TYK2: variants seen among roughly 807,000 people sequenced by gnomAD.
TYK2 encodes the protein tyrosine kinase 2.
TYK2 carries 65 observed loss-of-function variants against 130.9 expected under a neutral mutation model. The observed-to-expected ratio is 0.50, with a 90% confidence interval of 0.41 to 0.61. The LOEUF (loss-of-function observed/expected upper bound fraction) is 0.61. Ranked by LOEUF, TYK2 falls within the 20% of genes least tolerant of loss-of-function variation. TYK2 has a pLI of 0.00. For synonymous variants in TYK2, 647 were observed against 658.9 expected (o/e 0.98, Z 0.28); for missense variants, 1,378 against 1,610.7 (o/e 0.86, Z 2.47).
chr19:10,368,479 C>A (rs569522301), intron 3 of TYK2, 61 bp from the exon 4 acceptor site: 3 of 1,609,284 alleles, frequency 1.9e-6, no homozygotes, highest in South Asian at 1.1e-5. Context: ...GCCCCAAAGA[C>A]CCCCCAGACC....
chr19:10,360,891 T>C (rs940705957), intron 14 of TYK2: 1 of 246,214 alleles, frequency 4.1e-6, no homozygotes, highest in Non-Finnish European at 8.3e-6. Context: ...TAGCTAGGAC[T>C]ACAGGCATAG....
Position 10,362,404 on chromosome 19 carries a change from T to C in TYK2, c.1529A>G (p.Gln510Arg). The change falls in exon 11 of 25, where the codon CAG (glutamine) becomes CGG (arginine). Residue 510 changes from glutamine to arginine, a missense_variant. Coordinates refer to ENST00000525621, the MANE Select transcript of TYK2 (RefSeq NM_003331.5). Reference protein sequence around the residue: ...LRLRKFPIEQQDGAFVLEGWG... With the variant: ...LRLRKFPIEQRDGAFVLEGWG... ...GCCCTCCAGCACGAAGGCCCCGTCC[T>C]GCTGCTCAATGGGGAACTTTCGGAG... 1 of 1,612,930 alleles carries C rather than the reference T, an allele frequency of 6.2e-7. No individual in the cohort carries two copies. The highest frequency in any genetic ancestry group is 8.5e-7 in the Non-Finnish European group (1 of 1,179,268).
intron 17 of TYK2, chr19:10,357,155 G>A (rs1327302707): frequency 1.0e-5 from 4 of 382,178 alleles, no homozygotes; most frequent in South Asian, 2.5e-5. Flanking sequence ...TTGGGAGGCC[G>A]AGGTGGGCGG....
chr19:10,353,581 G>C lies in TYK2; in HGVS notation c.2974C>G (p.Arg992Gly). Residue 992 changes from arginine to glycine, a missense_variant, in exon 21 of 25, where the codon CGG becomes GGG. Physicochemically the swap from Arg to Gly is moderately radical, Grantham distance 125. Coordinates refer to ENST00000525621, the MANE Select transcript of TYK2 (RefSeq NM_003331.5). The surrounding 1 kb of genome is among the most constrained non-coding windows in gnomAD (Gnocchi z 6.9). ...AGCTGGGCCAGCCCGATGCTGTGCCGGGGCAGGTAGTCTCGGAGGCTGCCC... is the reference window on the plus strand; with the variant it reads ...AGCTGGGCCAGCCCGATGCTGTGCCCGGGCAGGTAGTCTCGGAGGCTGCCC... ...PLGSLRDYLP[R>G]HSIGLAQLLL... 6.7e-7 allele frequency: 1 copy of C among 1,490,408 alleles called. No individual in the cohort carries two copies. The highest frequency in any genetic ancestry group is 2.4e-5 in the East Asian group (1 of 41,650). 92.3% of individuals were successfully genotyped at this position (1,490,408 alleles called of 1,614,324 possible).
At chr19:10,355,503 G>T (rs940870363) in intron 18 of TYK2, among the ~76,000 whole-genome samples, 1 of 151,884 alleles carries the variant, frequency 6.6e-6, no homozygotes, top group African/African-American at 2.4e-5. Flanking sequence ...AGCTGGGTGT[G>T]GTGGTGGACG....
chr19:10,365,745 G>C lies in TYK2; in HGVS notation c.783C>G (p.Ala261=), dbSNP rs371939297. 111 of 1,612,906 alleles carry C rather than the reference G, an allele frequency of 6.9e-5. No homozygotes were observed. The highest frequency in any genetic ancestry group is 8.5e-5 in the Non-Finnish European group (100 of 1,179,898). Reference sequence around the variant, plus strand: ...AGCGGGGTGCCAGCCGCTCGAGTGTGGCTAGGTATTTGACCATGACCATCT... The same window carrying C: ...AGCGGGGTGCCAGCCGCTCGAGTGTCGCTAGGTATTTGACCATGACCATCT... ...SQQMVMVKYL[A]TLERLAPRFG... Residue 261 remains alanine (A), a synonymous_variant, in exon 7 of 25, where the codon GCC becomes GCG. Transcript: ENST00000525621.
At position 10,353,185 on chromosome 19, in the gene TYK2, G is replaced by C; in HGVS notation, c.3028-87C>G. 1 of 1,242,584 alleles carries C rather than the reference G, an allele frequency of 8.0e-7. No homozygotes were observed. The highest frequency in any genetic ancestry group is 1.1e-6 in the Non-Finnish European group (1 of 934,382). The allele number at this position is 1,242,584 out of a possible 1,614,324, so 77.0% of individuals were successfully genotyped here. On this transcript the variant is annotated intron_variant, in intron 21 of 24. Transcript: ENST00000525621. This position sits in a 1 kb window ranked among gnomAD's most constrained non-coding sequence, Gnocchi z 6.9. The stretch of plus-strand genomic sequence containing the variant: ...GGACCTGAGCAGCCAGGAGGGCTGG[G>C]GGACAGTCAGGTCAGGCCGGTGGCT...
chr19:10,376,083 G>A (rs555916546), intron 3 of TYK2, among the ~76,000 whole-genome samples: 1 of 149,314 alleles, frequency 6.7e-6, no homozygotes, highest in South Asian at 2.1e-4. Flanking sequence ...CACGATCTCA[G>A]CTCACTGCAG....
chr19:10,379,968 C>T (rs1438187655), intron 1 of TYK2, among the ~76,000 whole-genome samples, 189 bp from the exon 2 acceptor site: 2 of 152,174 alleles, frequency 1.3e-5, no homozygotes, highest in Admixed American at 6.6e-5. Flanking sequence ...TCCATCCCCC[C>T]AATCCAGGGC....
intron 14 of TYK2, among the ~76,000 whole-genome samples, chr19:10,359,944 G>A (rs1164986279): frequency 6.6e-6 from 1 of 151,844 alleles, no homozygotes; most frequent in Non-Finnish European, 1.5e-5. Flanking sequence ...GTGGGAGACG[G>A]AGCTTGCAGT....
chr19:10,359,166 G>A lies in TYK2; in HGVS notation c.2175+9C>T. 1 of 1,601,120 alleles carries A rather than the reference G, an allele frequency of 6.2e-7. No homozygotes were observed. The highest frequency in any genetic ancestry group is 8.5e-7 in the Non-Finnish European group (1 of 1,179,818). ...TGACCGACCCAGGCCCCACACACAG[G>A]CCACACACCAGGTAGCTGAGGGCGC... On this transcript the variant is annotated intron_variant, in intron 15 of 24. Transcript: ENST00000525621.
intron 7 of TYK2, 63 bp downstream of exon 7, chr19:10,365,454 T>C (rs898579134): frequency 3.1e-6 from 5 of 1,605,670 alleles, no homozygotes; most frequent in Non-Finnish European, 4.2e-6. Flanking sequence ...GGGTCAAGGA[T>C]GAACACAGAA....
rs765009970 is a variant in TYK2, at chr19:10,380,499, T to G, written c.-305A>C. 3.3e-5 allele frequency: 5 copies of G among 152,392 alleles called. No homozygotes were observed. Among genetic ancestry groups the G allele is most frequent in the East Asian group, 1.9e-4 (1 of 5,336 alleles). 9.4% of individuals were successfully genotyped at this position (152,392 alleles called of 1,614,324 possible). A position where few individuals can be genotyped will look rare whatever the true frequency, so the allele number is the denominator to read the frequency against. ...CGGCCGCGCTCCTTCCGCGCCCGCG[T>G]CCAGACTCACCCTTCCGGGGGAACA... On this transcript the variant is annotated 5_prime_UTR_variant, in exon 1 of 25. Transcript: ENST00000525621.
intron 3 of TYK2, chr19:10,369,671 C>A: frequency 2.2e-6 from 1 of 448,918 alleles, no homozygotes. Context: ...AACCTCAACC[C>A]CAATCCAGTC....
chr19:10,356,117 G>C (rs1363709482), intron 18 of TYK2, among the ~76,000 whole-genome samples: 2 of 152,092 alleles, frequency 1.3e-5, no homozygotes, highest in Non-Finnish European at 2.9e-5. Flanking sequence ...AGTGGCTCAC[G>C]CCTGTAATCC....
chr19:10,361,771 A>G lies in TYK2; in HGVS notation c.1958T>C (p.Leu653Pro). 1 of 1,610,276 alleles carries G rather than the reference A, an allele frequency of 6.2e-7. No homozygotes were observed. Among genetic ancestry groups the G allele is most frequent in the Non-Finnish European group, 8.5e-7 (1 of 1,179,162 alleles). ...CCAGGCCTGGCCCTGCCCACTCACC[A>G]GGGCGATGTCATGGTGACTAGGGTC... ...VLDPSHHDIA[L>P]AFYETASLMS... The change falls in exon 13 of 25, where the codon CTG (leucine) becomes CCG (proline). Residue 653 changes from leucine (L) to proline (P), a missense_variant and splice_region_variant. Leu to Pro is a moderately conservative substitution (Grantham distance 98). Transcript: ENST00000525621. This position sits in a 1 kb window ranked among gnomAD's most constrained non-coding sequence, Gnocchi z 4.0.
chr19:10,351,184 C>T, intron 23 of TYK2, 22 bp from the exon 24 acceptor site: 2 of 1,603,046 alleles, frequency 1.2e-6, no homozygotes, highest in Non-Finnish European at 1.7e-6. Context: ...ACAAGACAAG[C>T]TCTTTTCAAG....
Position 10,353,368 on chromosome 19 carries a change from G to T in TYK2, c.3027+160C>A. The T allele has an allele frequency of 1.7e-6, 1 of 600,834 alleles. No individual in the cohort carries two copies. Among genetic ancestry groups the T allele is most frequent in the Non-Finnish European group, 2.8e-6 (1 of 355,758 alleles). The allele number at this position is 600,834 out of a possible 1,614,324, so 37.2% of individuals were successfully genotyped here. A position where few individuals can be genotyped will look rare whatever the true frequency, so the allele number is the denominator to read the frequency against. On this transcript the variant is annotated intron_variant, in intron 21 of 24. Coordinates refer to ENST00000525621, the MANE Select transcript of TYK2 (RefSeq NM_003331.5). The surrounding 1 kb of genome is among the most constrained non-coding windows in gnomAD (Gnocchi z 6.9). ...TGGTCCCTTGGGAGGAGGGGGTGTG[G>T]CCAAGCAAGCCAAACAGTTCGGAGG...
In TYK2 at chr19:10,361,898, C is replaced by T; in HGVS notation, c.1831G>A (p.Glu611Lys). 1 of 1,614,102 alleles carries T rather than the reference C, an allele frequency of 6.2e-7. No homozygotes were observed. Among genetic ancestry groups the T allele is most frequent in the Non-Finnish European group, 8.5e-7 (1 of 1,180,006 alleles). ...TNVYEGRLRV[E>K]GSGDPEEGKM... ...CCCTCCTCAGGGTCCCCGCTGCCCTCCACTCGCAGGCGGCCCTCATACACG... is the reference window on the plus strand; with the variant it reads ...CCCTCCTCAGGGTCCCCGCTGCCCTTCACTCGCAGGCGGCCCTCATACACG... The change falls in exon 13 of 25, where the codon GAG (glutamate) becomes AAG (lysine). Residue 611 changes from glutamate (E) to lysine (K), a missense_variant. Physicochemically the swap from Glu to Lys is moderately conservative, Grantham distance 56. Coordinates refer to ENST00000525621, the MANE Select transcript of TYK2 (RefSeq NM_003331.5). The surrounding 1 kb of genome is among the most constrained non-coding windows in gnomAD (Gnocchi z 4.0).
Sources: gnomAD v4.1 joint callset for allele counts (sites outside exome capture counted in the v4.1 genomes callset) on GRCh38, gnomAD v4.1.1 for gene constraint, Gnocchi (gnomAD v3.1) non-coding constraint, MANE v1.5 for transcripts, NCBI Gene and HGNC (gene_info 2026-07-23, HGNC 2026-07-21) for gene names.